CAMSAP1: variants seen among roughly 807,000 people sequenced by gnomAD.
CAMSAP1 encodes the protein calmodulin regulated spectrin associated protein 1, also known as calmodulin-regulated spectrin-associated protein 1.
In CAMSAP1, 58 loss-of-function variants were observed where a neutral mutation model predicts 143.5. That is an observed-to-expected ratio of 0.40 (90% confidence interval 0.33 to 0.50). The LOEUF is 0.50. Ranked by LOEUF, CAMSAP1 falls within the 20% of genes least tolerant of loss-of-function variation. CAMSAP1 has a pLI of 0.45. For missense variants in CAMSAP1, 1,969 were observed against 2,115.7 expected (o/e 0.93, Z 1.36); for synonymous variants, 945 against 859.3 (o/e 1.10, Z -1.74).
rs2131646436 is a variant in CAMSAP1, at chr9:135,818,718, G to C, written c.3960-102C>G. The C allele has an allele frequency of 7.3e-7, 1 of 1,372,462 alleles. No individual in the cohort carries two copies. The highest frequency in any genetic ancestry group is 2.5e-5 in the East Asian group (1 of 39,916). 85.0% of individuals were successfully genotyped at this position (1,372,462 alleles called of 1,614,324 possible). A position where few individuals can be genotyped will look rare whatever the true frequency, so the allele number is the denominator to read the frequency against. On this transcript the variant is annotated intron_variant, in intron 12 of 16. Transcript: ENST00000389532. The surrounding 1 kb of genome is among the most constrained non-coding windows in gnomAD (Gnocchi z 7.7). ...AGGCGCGTTTCTCGGGTTCTCCCCG[G>C]CCGCTGGGACCAAGAGTGGCCAGCC... is the stretch of plus-strand genomic sequence containing the variant.
At chr9:135,875,880 A>G (rs1160966115) in intron 3 of CAMSAP1, among the ~76,000 whole-genome samples, 1 of 152,236 alleles carries the variant, frequency 6.6e-6, no homozygotes, top group Non-Finnish European at 1.5e-5. Flanking sequence ...GAGTAAGTAA[A>G]GATGTCTTCT....
chr9:135,904,477 T>TG lies in CAMSAP1; in HGVS notation c.160+2522dup, dbSNP rs1838711375. Among the ~76,000 whole-genome samples the TG allele has an allele frequency of 2.0e-5, 3 of 151,744 alleles. No individual in the cohort carries two copies. The South Asian group carries it at 6.2e-4, about 32-fold the overall frequency. On this transcript the variant is annotated intron_variant, in intron 1 of 16. Transcript: ENST00000389532. ...AGGAGGATCACTGGAGCCCAGGAGT[T>TG]GGAGACCAGCCTGGGAAACACAGGC...
intron 7 of CAMSAP1, among the ~76,000 whole-genome samples, chr9:135,828,207 C>T (rs760478567): frequency 7.2e-5 from 11 of 152,384 alleles, no homozygotes; most frequent in Non-Finnish European, 1.3e-4. Context: ...CAAACAGTGA[C>T]TCTGTATCTA....
chr9:135,849,727 G>A (rs1836704662), intron 7 of CAMSAP1: 1 of 153,574 alleles, frequency 6.5e-6, no homozygotes, highest in African/African-American at 2.4e-5. Context: ...TTCCTTTGTG[G>A]CTAATATTTT....
intron 1 of CAMSAP1, among the ~76,000 whole-genome samples, chr9:135,890,514 T>C (rs1223472089): frequency 6.6e-6 from 1 of 152,062 alleles, no homozygotes; most frequent in Non-Finnish European, 1.5e-5. Flanking sequence ...CACCGCACCT[T>C]TCTAAGGACA....
At chr9:135,881,509 AAT>A in intron 3 of CAMSAP1, 122 bp downstream of exon 3, 2 of 1,148,672 alleles carry the variant, frequency 1.7e-6, no homozygotes, top group Non-Finnish European at 2.5e-6. Context: ...CTGGACACAA[AAT>A]ATGACTGGTC....
intron 5 of CAMSAP1, among the ~76,000 whole-genome samples, 159 bp downstream of exon 5, chr9:135,862,308 A>G (rs1349687185): frequency 6.6e-6 from 1 of 151,856 alleles, no homozygotes; most frequent in Admixed American, 6.6e-5. Context: ...TGAGCACATC[A>G]TCCCCCAATT....
Position 135,882,949 on chromosome 9 carries a change from T to C in CAMSAP1, c.290A>G (p.Lys97Arg), listed in dbSNP as rs894018903. The part of the protein sequence containing the change: ...LYCRVCSLIL[K>R]GDQVAALQGH... The stretch of plus-strand genomic sequence containing the variant: ...CTGTAAGGCGGCCACCTGGTCCCCT[T>C]TCAGGATGAGGCTGCAGACACGGCA... Residue 97 changes from lysine (K) to arginine (R), a missense_variant, in exon 2 of 17, where the codon AAA becomes AGA. By Grantham distance (26) the Lys-to-Arg change is conservative. This residue lies in a region of CAMSAP1 where 215 missense variants were observed against 196.2 expected (regional missense o/e 1.10). Transcript: ENST00000389532. The surrounding 1 kb of genome is among the most constrained non-coding windows in gnomAD (Gnocchi z 4.9). The C allele has an allele frequency of 6.4e-7, 1 of 1,551,730 alleles. No individual in the cohort carries two copies. Among genetic ancestry groups the C allele is most frequent in the Non-Finnish European group, 8.7e-7 (1 of 1,146,994 alleles).
In CAMSAP1 at chr9:135,862,232, G is replaced by A. The variant is rs191067522; in HGVS notation, c.808+235C>T. On this transcript the variant is annotated intron_variant, in intron 5 of 16. Transcript: ENST00000389532. ...CTCCCGAGTGGCTGGGACCACAGGCGTGTGCCACCACACCCAGCTAATTTC... is the reference window on the plus strand; with the variant it reads ...CTCCCGAGTGGCTGGGACCACAGGCATGTGCCACCACACCCAGCTAATTTC... 5.0e-4 allele frequency among the ~76,000 whole-genome samples: 73 copies of A among 146,278 alleles called. No homozygotes were observed. The Middle Eastern group carries it at 0.01, about 21-fold the overall frequency.
In CAMSAP1 at chr9:135,819,162, C is replaced by A; in HGVS notation, c.3823-16G>T. ...TCTGTTCATCCTGCAAGACAGAGGC[C>A]ACACAGAGCATGACAGGAACCCCCT... On this transcript the variant is annotated splice_polypyrimidine_tract_variant and intron_variant, in intron 11 of 16. Coordinates refer to ENST00000389532, the MANE Select transcript of CAMSAP1 (RefSeq NM_015447.4). 1 of 1,597,220 alleles carries A rather than the reference C, an allele frequency of 6.3e-7. No homozygotes were observed. The highest frequency in any genetic ancestry group is 8.5e-7 in the Non-Finnish European group (1 of 1,173,262).
At position 135,865,194 on chromosome 9, in the gene CAMSAP1, T is replaced by C. The variant is rs1419159118; in HGVS notation, c.666+1262A>G. The C allele has an allele frequency of 3.7e-6, 3 of 807,240 alleles. No individual in the cohort carries two copies. In the African/African-American group the frequency reaches 5.1e-5, roughly 14 times the overall value. The allele number at this position is 807,240 out of a possible 1,614,324, so 50.0% of individuals were successfully genotyped here. Reference sequence around the variant, plus strand: ...CAGAATCAGGCCAATTCTTGTACTATATAAATAACTCCAAGGTGGGACATT... The same window carrying C: ...CAGAATCAGGCCAATTCTTGTACTACATAAATAACTCCAAGGTGGGACATT... On this transcript the variant is annotated intron_variant, in intron 4 of 16. Transcript: ENST00000389532.
At chr9:135,865,953 G>A (rs994210485) in intron 4 of CAMSAP1, among the ~76,000 whole-genome samples, 1 of 152,190 alleles carries the variant, frequency 6.6e-6, no homozygotes, top group African/African-American at 2.4e-5. Flanking sequence ...AGAAAATAAC[G>A]TCAGAGGAAG....
Position 135,822,047 on chromosome 9 carries a change from T to C in CAMSAP1, c.2614A>G (p.Ser872Gly). 6.2e-7 allele frequency: 1 copy of C among 1,612,582 alleles called. No homozygotes were observed. Among genetic ancestry groups the C allele is most frequent in the African/African-American group, 1.3e-5 (1 of 75,068 alleles). The change falls in exon 11 of 17, where the codon AGC becomes GGC. Residue 872 changes from serine to glycine, a missense_variant. Coordinates refer to ENST00000389532, the MANE Select transcript of CAMSAP1 (RefSeq NM_015447.4). This position sits in a 1 kb window ranked among gnomAD's most constrained non-coding sequence, Gnocchi z 6.1. Reference protein sequence around the residue: ...SPSQHGKDPASLLASELVQLH... With the variant: ...SPSQHGKDPAGLLASELVQLH... ...TGTACCAGCTCAGATGCCAGGAGGCTGGCGGGATCCTTGCCATGCTGGCTC... is the reference window on the plus strand; with the variant it reads ...TGTACCAGCTCAGATGCCAGGAGGCCGGCGGGATCCTTGCCATGCTGGCTC...
At chr9:135,864,452 G>A (rs1027106044) in intron 4 of CAMSAP1, among the ~76,000 whole-genome samples, 3 of 152,096 alleles carry the variant, frequency 2.0e-5, no homozygotes, top group African/African-American at 7.2e-5. Context: ...CGCTGCTATC[G>A]CCTCGAGGAT....
chr9:135,880,573 A>G (rs1837910271), intron 3 of CAMSAP1, among the ~76,000 whole-genome samples: 1 of 152,074 alleles, frequency 6.6e-6, no homozygotes, highest in Admixed American at 6.5e-5. Context: ...TCGAAACACA[A>G]ACGTCTGCCA....
Position 135,822,375 on chromosome 9 carries a change from G to A in CAMSAP1, c.2286C>T (p.Ser762=), listed in dbSNP as rs937598329. The A allele has an allele frequency of 3.7e-6, 6 of 1,613,844 alleles. No homozygotes were observed. The highest frequency in any genetic ancestry group is 4.2e-6 in the Non-Finnish European group (5 of 1,179,904). Residue 762 remains serine, a synonymous_variant, in exon 11 of 17, where the codon AGC becomes AGT. Transcript: ENST00000389532. The surrounding 1 kb of genome is among the most constrained non-coding windows in gnomAD (Gnocchi z 6.1). ...CCGACTCTTCCTCCCCAATGTATCTGCTGAAAACCACAGGATGGGCCTCAC... is the reference window on the plus strand; with the variant it reads ...CCGACTCTTCCTCCCCAATGTATCTACTGAAAACCACAGGATGGGCCTCAC... ...FMGEAHPVVF[S]RYIGEEESAK...
chr9:135,847,412 C>A (rs543726091), intron 7 of CAMSAP1, among the ~76,000 whole-genome samples: 1 of 151,858 alleles, frequency 6.6e-6, no homozygotes, highest in South Asian at 2.1e-4. Context: ...CACATGCACA[C>A]GTATGTTTAC....
In CAMSAP1 at chr9:135,882,983, C is replaced by G. The variant is rs760859269; in HGVS notation, c.256G>C (p.Glu86Gln). The G allele has an allele frequency of 5.7e-5, 89 of 1,551,606 alleles. No individual in the cohort carries two copies. The highest frequency in any genetic ancestry group is 1.7e-4 in the Middle Eastern group (1 of 6,012). ...PPVIKLLLSS[E>Q]LYCRVCSLIL... ...AGGCTGCAGACACGGCAGTACAGCT[C>G]GCTGGACAGGAGAAGCTTGATAACA... The change falls in exon 2 of 17, where the codon GAG becomes CAG. Residue 86 changes from glutamate to glutamine, a missense_variant. Physicochemically the swap from Glu to Gln is conservative, Grantham distance 29 (BLOSUM62 2). Transcript: ENST00000389532. The surrounding 1 kb of genome is among the most constrained non-coding windows in gnomAD (Gnocchi z 4.9).
rs1837231322 is a variant in CAMSAP1 at position 135,862,393 on chromosome 9, A to G, written c.808+74T>C. 4 of 1,400,534 alleles carry G rather than the reference A, an allele frequency of 2.9e-6. No homozygotes were observed. In the East Asian group the frequency reaches 7.6e-5, roughly 27 times the overall value. 86.8% of individuals were successfully genotyped at this position (1,400,534 alleles called of 1,614,324 possible). A position where few individuals can be genotyped will look rare whatever the true frequency, so the allele number is the denominator to read the frequency against. ...TTTCTCTTTTTTTTTTTTAATATAT[A>G]TGTGGATCAATGTACACTATAATTT... On this transcript the variant is annotated intron_variant, in intron 5 of 16. Transcript: ENST00000389532.
Sources: gnomAD v4.1 joint callset for allele counts (sites outside exome capture counted in the v4.1 genomes callset) on GRCh38, gnomAD v4.1.1 for gene constraint, gnomAD v4.1.1 regional missense constraint, Gnocchi (gnomAD v3.1) non-coding constraint, MANE v1.5 for transcripts, NCBI Gene and HGNC (gene_info 2026-07-23, HGNC 2026-07-21) for gene names.